The following CTDSPL variants were observed in gnomAD, a reference collection of about 807,000 sequenced individuals.
CTDSPL encodes the protein CTD small phosphatase-like protein.
Under a neutral mutation model 30.5 loss-of-function variants are expected in CTDSPL, and 8 were observed. The observed-to-expected ratio is 0.26, with a 90% confidence interval of 0.15 to 0.47. The LOEUF (loss-of-function observed/expected upper bound fraction) is 0.47, where lower values mean the gene tolerates loss of function less well. CTDSPL is among the 20% of genes least tolerant of loss of function. CTDSPL has a pLI of 0.99. For missense variants in CTDSPL, 248 were observed against 366.1 expected, an observed-to-expected ratio of 0.68 and a Z score of 2.63; for synonymous variants, 110 against 137.9, an observed-to-expected ratio of 0.80 and a Z score of 1.42.
chr3:37,973,351 G>C (rs1315112985), intron 6 of CTDSPL, among the ~76,000 whole-genome samples: 1 of 152,160 alleles, frequency 6.6e-6, no homozygotes, highest in Non-Finnish European at 1.5e-5. Flanking sequence ...GCTGTTTTTT[G>C]TTTGGGAAAA....
intron 3 of CTDSPL, among the ~76,000 whole-genome samples, chr3:37,962,987 T>C (rs2125629983): frequency 1.3e-5 from 2 of 152,362 alleles, no homozygotes; most frequent in Middle Eastern, 6.8e-3. Flanking sequence ...CACCTTTTGA[T>C]AGAAAACTTT....
Position 37,975,668 on chromosome 3 carries a change from CTTT to C in CTDSPL, c.520-39_520-37del. 6.4e-7 allele frequency: 1 copy of C among 1,558,318 alleles called. No individual in the cohort carries two copies. The highest frequency in any genetic ancestry group is 1.2e-5 in the South Asian group (1 of 83,672). ...GCTGTAGTTCAGGGTTTGGGGGGCT[CTTT>C]TAAACACCCAGCCTTCATTGTGACA... is the stretch of plus-strand genomic sequence containing the variant. On this transcript the variant is annotated intron_variant, in intron 6 of 7. Transcript: ENST00000273179. The surrounding 1 kb of genome is among the most constrained non-coding windows in gnomAD (Gnocchi z 4.9).
intron 1 of CTDSPL, among the ~76,000 whole-genome samples, chr3:37,886,003 C>A (rs1229087363): frequency 6.6e-6 from 1 of 152,128 alleles, no homozygotes; most frequent in Non-Finnish European, 1.5e-5. Context: ...ACATGTTCCT[C>A]CCCTCCATTT....
chr3:37,887,492 G>A (rs1698276377), intron 1 of CTDSPL, among the ~76,000 whole-genome samples: 1 of 152,068 alleles, frequency 6.6e-6, no homozygotes. Flanking sequence ...CCAGTTCCAC[G>A]GTTTCTAGCT....
rs1176208018 is a variant in CTDSPL, at chr3:37,960,488, A to AT, written c.267+3345_267+3346insT. Among the ~76,000 whole-genome samples the AT allele has an allele frequency of 1.9e-3, 94 of 48,954 alleles. 8 individuals carry two copies. Among genetic ancestry groups the AT allele is most frequent in the African/African-American group, 8.3e-3 (87 of 10,458 alleles). The allele number at this position is 48,954 out of a possible 152,430, so 32.1% of individuals were successfully genotyped here. ...AGAGCAAAACTCTGTCTCAAAAAAA[A>AT]AAAAAAAAAAAAAAAAAATATATAT... On this transcript the variant is annotated intron_variant, in intron 3 of 7. Transcript: ENST00000273179.
chr3:37,883,574 G>A lies in CTDSPL; in HGVS notation c.79+21296G>A, dbSNP rs143987445. 5.0e-3 allele frequency among the ~76,000 whole-genome samples: 764 copies of A among 152,284 alleles called. 2 individuals carry two copies. Among genetic ancestry groups the A allele is most frequent in the Middle Eastern group, 0.027 (8 of 294 alleles). On this transcript the variant is annotated intron_variant, in intron 1 of 7. Transcript: ENST00000273179. ...GCCTGTGATTTTCCTCTCTTTAAAC[G>A]TCCTTGTGAGGTCTTGGTATCAAGG...
At chr3:37,921,464 C>T (rs375161277) in intron 1 of CTDSPL, among the ~76,000 whole-genome samples, 7 of 152,200 alleles carry the variant, frequency 4.6e-5, no homozygotes, top group African/African-American at 1.4e-4. Flanking sequence ...TGCAGGTCGT[C>T]GGAGGTGTAT....
intron 5 of CTDSPL, among the ~76,000 whole-genome samples, chr3:37,970,040 T>G (rs1329431399): frequency 6.6e-6 from 1 of 152,168 alleles, no homozygotes; most frequent in Non-Finnish European, 1.5e-5. Context: ...TGCCTCTCAC[T>G]TCATCTTCAG....
At position 37,936,575 on chromosome 3, in the gene CTDSPL, C is replaced by T. The variant is rs190453179; in HGVS notation, c.80-10482C>T. 3.2e-3 allele frequency among the ~76,000 whole-genome samples: 474 copies of T among 148,688 alleles called. 3 individuals are homozygous for T. The highest frequency in any genetic ancestry group is 0.011 in the Middle Eastern group (3 of 284). On this transcript the variant is annotated intron_variant, in intron 1 of 7. Transcript: ENST00000273179. The stretch of plus-strand genomic sequence containing the variant: ...GCCCTGGGATGCATTCCAGAGATTA[C>T]GGCCCAATTCTCAAAGAGAAGAAAT...
At chr3:37,964,736 G>A in intron 4 of CTDSPL, 64 bp downstream of exon 4, 3 of 1,299,948 alleles carry the variant, frequency 2.3e-6, no homozygotes, top group South Asian at 2.5e-5. Context: ...ATTGGAAAAG[G>A]GAAAACAAAA....
rs58870487 is a variant in CTDSPL at position 37,942,694 on chromosome 3, T to C, written c.80-4363T>C. ...GCTTGCTCTATGCTAGGCACTGTTA[T>C]AAGAACTCATTTAATTCTCACAACA... On this transcript the variant is annotated intron_variant, in intron 1 of 7. Transcript: ENST00000273179. Among the ~76,000 whole-genome samples the C allele has an allele frequency of 9.4e-4, 142 of 150,362 alleles. 2 individuals are homozygous for C. The highest frequency in any genetic ancestry group is 3.2e-3 in the African/African-American group (133 of 41,390).
intron 3 of CTDSPL, among the ~76,000 whole-genome samples, chr3:37,960,505 A>AATATATAT (rs1379736177): frequency 2.6e-5 from 1 of 38,516 alleles, no homozygotes; most frequent in Admixed American, 5.3e-4. Context: ...AAAAAAAAAA[A>AATATATAT]ATATATATAT....
intron 1 of CTDSPL, among the ~76,000 whole-genome samples, chr3:37,908,224 G>GCTA (rs1698540072): frequency 6.6e-6 from 1 of 152,198 alleles, no homozygotes. Flanking sequence ...GGTAGCCCCC[G>GCTA]CCAAGTGGGC....
rs753489377 is a variant in CTDSPL at position 37,975,665 on chromosome 3, G to A, written c.520-44G>A. The A allele has an allele frequency of 1.9e-6, 3 of 1,538,800 alleles. No individual in the cohort carries two copies. The highest frequency in any genetic ancestry group is 1.9e-5 in the Admixed American group (1 of 52,170). On this transcript the variant is annotated intron_variant, in intron 6 of 7. Transcript: ENST00000273179. This position sits in a 1 kb window ranked among gnomAD's most constrained non-coding sequence, Gnocchi z 4.9. ...GCTGCTGTAGTTCAGGGTTTGGGGG[G>A]CTCTTTTAAACACCCAGCCTTCATT...
At chr3:37,903,201 G>A (rs75085214) in intron 1 of CTDSPL, among the ~76,000 whole-genome samples, 1,833 of 152,270 alleles carry the variant, frequency 0.012, 40 homozygotes, top group African/African-American at 0.041. Flanking sequence ...AGGGGCAGCC[G>A]GTCCGATTGC....
At chr3:37,967,047 A>G (rs2125631623) in intron 4 of CTDSPL, among the ~76,000 whole-genome samples, 1 of 152,358 alleles carries the variant, frequency 6.6e-6, no homozygotes, top group African/African-American at 2.4e-5. Flanking sequence ...TAATATTGTC[A>G]AAGAGTTATT....
intron 5 of CTDSPL, chr3:37,968,352 C>A: frequency 2.5e-6 from 1 of 398,072 alleles, no homozygotes; most frequent in Non-Finnish European, 5.0e-6. Flanking sequence ...TAGCAAATAC[C>A]CACCCCAAAA....
chr3:37,931,456 C>A (rs1010557471), intron 1 of CTDSPL, among the ~76,000 whole-genome samples: 1 of 152,072 alleles, frequency 6.6e-6, no homozygotes, highest in South Asian at 2.1e-4. Context: ...CACCCAGCCC[C>A]CTCTGTGTCT....
At chr3:37,967,672 A>G (rs923855741) in intron 4 of CTDSPL, among the ~76,000 whole-genome samples, 154 bp from the exon 5 acceptor site, 2 of 152,186 alleles carry the variant, frequency 1.3e-5, no homozygotes, top group African/African-American at 4.8e-5. Flanking sequence ...GCTTGTGCTT[A>G]TTTTAAGGAA....
Sources: allele counts gnomAD v4.1 joint callset (sites outside exome capture counted in the v4.1 genomes callset), GRCh38; gene constraint gnomAD v4.1.1; non-coding constraint Gnocchi (gnomAD v3.1); transcripts MANE v1.5; gene names NCBI Gene and HGNC (gene_info 2026-07-23, HGNC 2026-07-21).